TRIM77: variants seen among roughly 807,000 people sequenced by gnomAD.
The protein encoded by TRIM77 is tripartite motif containing 77.
TRIM77 carries 23 observed loss-of-function variants against 31.8 expected under a neutral mutation model. The ratio of observed to expected loss-of-function variants is 0.72; its 90% CI spans 0.52 to 1.02. TRIM77 has a LOEUF of 1.02. Among genes scored for constraint, TRIM77 ranks in the 50% least tolerant of loss-of-function variants. The pLI, the probability that TRIM77 is intolerant of heterozygous loss-of-function variation, is 0.00. For synonymous variants in TRIM77, 159 were observed against 183.1 expected, an observed-to-expected ratio of 0.87 and a Z score of 1.06; for missense variants, 446 against 539.2, an observed-to-expected ratio of 0.83 and a Z score of 1.71.
chr11:89,715,750 C>G (rs1322447199), intron 4 of TRIM77, 140 bp from the exon 5 acceptor site: 1 of 562,172 alleles, frequency 1.8e-6, no homozygotes, highest in Non-Finnish European at 3.2e-6. Flanking sequence ...AATACAGTTA[C>G]AATTGCAATA....
chr11:89,714,095 G>A (rs946011885), intron 2 of TRIM77, 97 bp from the exon 3 acceptor site: 32 of 774,698 alleles, frequency 4.1e-5, no homozygotes, highest in Non-Finnish European at 5.4e-5. Flanking sequence ...ACTATATTTA[G>A]TAGAATAGCA....
intron 5 of TRIM77, among the ~76,000 whole-genome samples, chr11:89,717,135 C>T (rs1282878351): frequency 1.3e-5 from 2 of 152,144 alleles, no homozygotes; most frequent in Non-Finnish European, 2.9e-5. Context: ...ATGCCGGACC[C>T]AGTTAGTACT....
intron 5 of TRIM77, 23 bp downstream of exon 5, chr11:89,716,010 T>C: frequency 7.0e-7 from 1 of 1,434,880 alleles, no homozygotes; most frequent in Non-Finnish European, 9.5e-7. Context: ...ACTGCACTAA[T>C]GTTTCCAACG....
rs1175060742 is a variant in TRIM77, at chr11:89,717,825, A to T, written c.1306A>T (p.Ile436Phe). 1 of 1,549,610 alleles carries T rather than the reference A, an allele frequency of 6.5e-7. No individual in the cohort carries two copies. Among genetic ancestry groups the T allele is most frequent in the Non-Finnish European group, 8.7e-7 (1 of 1,146,046 alleles). The change falls in exon 6 of 6, where the codon ATC becomes TTC. Residue 436 changes from isoleucine (I) to phenylalanine (F), a missense_variant. By Grantham distance (21) the Ile-to-Phe change is conservative (BLOSUM62 0). This residue lies in a region of TRIM77 where 366 missense variants were observed against 447.9 expected (regional missense o/e 0.82). Transcript: ENST00000398290. The part of the protein sequence containing the change: ...SSLICSFLSR[I>F]FYFPLRPFIC... ...CCTCATTTGTAGTTTCCTCTCACGC[A>T]TCTTCTATTTTCCTCTCAGACCTTT... is the stretch of plus-strand genomic sequence containing the variant.
rs557892297 is a variant in TRIM77, at chr11:89,717,205, G to C, written c.860-174G>C. ...TTTTTTGACTGATTATTAAATTGTT[G>C]GTAGCTTGAAACTGGCCTTAGTGAG... On this transcript the variant is annotated intron_variant, in intron 5 of 5. Transcript: ENST00000398290. Among the ~76,000 whole-genome samples, 337 of 152,108 alleles carry C rather than the reference G, an allele frequency of 2.2e-3. 2 individuals are homozygous for C. The highest frequency in any genetic ancestry group is 3.4e-3 in the Middle Eastern group (1 of 294).
chr11:89,716,409 AAGGAAT>A (rs1431589315), intron 5 of TRIM77, among the ~76,000 whole-genome samples: 1 of 152,202 alleles, frequency 6.6e-6, no homozygotes, highest in Non-Finnish European at 1.5e-5. Context: ...TTGAAGTTTT[AAGGAAT>A]ACATTTGAAA....
rs942821094 is a variant in TRIM77, at chr11:89,714,306, A to G, written c.622A>G (p.Ile208Val). 2 of 1,551,628 alleles carry G rather than the reference A, an allele frequency of 1.3e-6. No individual in the cohort carries two copies. The highest frequency in any genetic ancestry group is 2.7e-5 in the African/African-American group (2 of 73,022). Residue 208 changes from isoleucine to valine, a missense_variant, in exon 3 of 6, where the codon ATT becomes GTT. Around this residue, in one of 3 missense-constraint regions of TRIM77, gnomAD observed 366 missense variants for 447.9 expected, o/e 0.82. Coordinates refer to ENST00000398290, the MANE Select transcript of TRIM77 (RefSeq NM_001146162.1). ...GAGCCTGGCAAGAGAAGGCAGGATAATTTTTCAGCAACTCAAGAGAAGTCA... is the reference window on the plus strand; with the variant it reads ...GAGCCTGGCAAGAGAAGGCAGGATAGTTTTTCAGCAACTCAAGAGAAGTCA... ...VESLAREGRI[I>V]FQQLKRSQTR...
chr11:89,712,911 T>A, intron 2 of TRIM77, among the ~76,000 whole-genome samples: 1 of 152,260 alleles, frequency 6.6e-6, no homozygotes, highest in East Asian at 1.9e-4. Flanking sequence ...ATTTTAATTT[T>A]TTTTCCAAAG....
At chr11:89,717,349 T>C (rs1436389236) in intron 5 of TRIM77, 30 bp from the exon 6 acceptor site, 2 of 1,502,508 alleles carry the variant, frequency 1.3e-6, no homozygotes, top group Non-Finnish European at 1.8e-6. Flanking sequence ...TAAACTGTTT[T>C]TTTGCATTCA....
At chr11:89,714,455 C>T in intron 3 of TRIM77, 33 bp downstream of exon 3, 2 of 1,384,418 alleles carry the variant, frequency 1.4e-6, no homozygotes, top group Non-Finnish European at 2.0e-6. Context: ...GTGCTGAACA[C>T]CACCCTGCTT....
At chr11:89,712,150 C>T (rs1009283494) in intron 2 of TRIM77, among the ~76,000 whole-genome samples, 6 of 152,116 alleles carry the variant, frequency 3.9e-5, no homozygotes, top group African/African-American at 1.4e-4. Context: ...AATTAAACAA[C>T]ATTTTTATTC....
At chr11:89,711,135 T>C (rs1266448553) in intron 1 of TRIM77, among the ~76,000 whole-genome samples, 2 of 152,208 alleles carry the variant, frequency 1.3e-5, no homozygotes, top group African/African-American at 4.8e-5. Flanking sequence ...ATTTTAAAAT[T>C]AAATATAAAA....
chr11:89,714,131 C>T (rs1003415426), intron 2 of TRIM77, 61 bp from the exon 3 acceptor site: 24 of 1,094,040 alleles, frequency 2.2e-5, no homozygotes, highest in Non-Finnish European at 3.1e-5. Flanking sequence ...AGCAGAATAG[C>T]TGATAAGGAA....
rs754316336 is a variant in TRIM77, at chr11:89,710,410, T to C, written c.112T>C (p.Cys38Arg). ...TTGTGGGCACAGATTTTGTAGTCCC[T>C]GTCTCTGCCTCTTGTGGGAAGATAC... is the stretch of plus-strand genomic sequence containing the variant. ...ICCGHRFCSP[C>R]LCLLWEDTLT... The change falls in exon 1 of 6, where the codon TGT becomes CGT. Residue 38 changes from cysteine (C) to arginine (R), a missense_variant. By Grantham distance (180) the Cys-to-Arg change is radical. Around this residue, in one of 3 missense-constraint regions of TRIM77, gnomAD observed 72 missense variants for 64.7 expected, o/e 1.11. Coordinates refer to ENST00000398290, the MANE Select transcript of TRIM77 (RefSeq NM_001146162.1). 11 of 1,551,804 alleles carry C rather than the reference T, an allele frequency of 7.1e-6. No individual in the cohort carries two copies. The highest frequency in any genetic ancestry group is 9.6e-6 in the Non-Finnish European group (11 of 1,147,016).
chr11:89,714,162 CAT>C (rs758021965), intron 2 of TRIM77, 28 bp from the exon 3 acceptor site: 12 of 1,436,566 alleles, frequency 8.4e-6, no homozygotes, highest in Non-Finnish European at 1.1e-5. Context: ...CACTTAGACA[CAT>C]GATTTAATTA....
intron 2 of TRIM77, 22 bp from the exon 3 acceptor site, chr11:89,714,170 A>C: frequency 6.8e-7 from 1 of 1,477,290 alleles, no homozygotes; most frequent in Non-Finnish European, 9.2e-7. Context: ...CACATGATTT[A>C]ATTAATCAAC....
chr11:89,712,555 T>C (rs1357720222), intron 2 of TRIM77, among the ~76,000 whole-genome samples: 1 of 152,128 alleles, frequency 6.6e-6, no homozygotes, highest in East Asian at 1.9e-4. Flanking sequence ...GAAGAACCCA[T>C]TTTCAGGGAT....
At chr11:89,712,773 T>C (rs1444252338) in intron 2 of TRIM77, among the ~76,000 whole-genome samples, 2 of 152,150 alleles carry the variant, frequency 1.3e-5, no homozygotes, top group Non-Finnish European at 2.9e-5. Context: ...GAGTAGGGAA[T>C]AGAGGTAAAG....
chr11:89,710,327 C>G lies in TRIM77; in HGVS notation c.29C>G (p.Thr10Ser), dbSNP rs765166835. The G allele has an allele frequency of 5.2e-6, 8 of 1,539,936 alleles. No homozygotes were observed. The highest frequency in any genetic ancestry group is 6.2e-6 in the Non-Finnish European group (7 of 1,137,092). MASAITQCS[T>S]SELTCSICTD... ...GCTTCTGCTATCACGCAGTGTTCTA[C>G]CAGTGAGCTCACCTGCTCGATCTGC... Residue 10 changes from threonine (T) to serine (S), a missense_variant, in exon 1 of 6, where the codon ACC (threonine) becomes AGC (serine). Physicochemically the swap from Thr to Ser is moderately conservative, Grantham distance 58. Transcript: ENST00000398290.
Sources: gnomAD v4.1 joint callset for allele counts (sites outside exome capture counted in the v4.1 genomes callset) on GRCh38, gnomAD v4.1.1 for gene constraint, gnomAD v4.1.1 regional missense constraint, MANE v1.5 for transcripts, NCBI Gene and HGNC (gene_info 2026-07-23, HGNC 2026-07-21) for gene names.